The following MAN2B2 variants were observed in gnomAD, a reference collection of about 807,000 sequenced individuals.
The protein encoded by MAN2B2 is epididymis-specific alpha-mannosidase.
A neutral mutation model predicts 117.1 loss-of-function variants in MAN2B2; 106 were observed. That is an observed-to-expected ratio of 0.90 (90% confidence interval 0.77 to 1.06). The LOEUF is 1.06. Ranked by LOEUF, MAN2B2 falls within the 50% of genes least tolerant of loss-of-function variation. The pLI is 0.00. For missense variants in MAN2B2, 1,326 were observed against 1,381.4 expected (o/e 0.96, Z 0.64); for synonymous variants, 544 against 595.1 (o/e 0.91, Z 1.25).
In MAN2B2 at chr4:6,605,204, T is replaced by G. The variant is rs761786068; in HGVS notation, c.1689T>G (p.Leu563=). ...QEPAATVAST[L]QFGRRLRRRT... is the part of the protein sequence containing the mutation. ...CGGCTGCCACTGTGGCGAGCACCCT[T>G]CAATTTGGCCGCAGGCTGAGGAGAC... The change falls in exon 11 of 19, where the codon CTT becomes CTG. Residue 563 remains leucine (L), a synonymous_variant. Transcript: ENST00000285599. The G allele has an allele frequency of 6.2e-7, 1 of 1,614,056 alleles. No homozygotes were observed.
chr4:6,610,672 G>C (rs562802716), intron 13 of MAN2B2, among the ~76,000 whole-genome samples: 1 of 152,360 alleles, frequency 6.6e-6, no homozygotes, highest in South Asian at 2.1e-4. Flanking sequence ...GGCTTGGCCA[G>C]GGCCTGCACC....
chr4:6,609,030 G>A, intron 11 of MAN2B2, 77 bp from the exon 12 acceptor site: 5 of 1,409,736 alleles, frequency 3.5e-6, no homozygotes, highest in East Asian at 2.4e-5. Context: ...GGCATCTGGA[G>A]AGAGAGGCTT....
In MAN2B2 at chr4:6,611,257, G is replaced by A. The variant is rs1402885807; in HGVS notation, c.2542G>A (p.Val848Met). 1.9e-6 allele frequency: 3 copies of A among 1,608,274 alleles called. No homozygotes were observed. Among genetic ancestry groups the A allele is most frequent in the South Asian group, 2.2e-5 (2 of 90,498 alleles). The change falls in exon 15 of 19, where the codon GTG becomes ATG. Residue 848 changes from valine to methionine, a missense_variant. Physicochemically the swap from Val to Met is conservative, Grantham distance 21. Coordinates refer to ENST00000285599, the MANE Select transcript of MAN2B2 (RefSeq NM_015274.3). ...SALALQHRPV[V>M]LFGDLAGTAP... Reference sequence around the variant, plus strand: ...ACTGGCGCTGCAGCACAGGCCCGTGGTGCTGTTCGGAGACCTCGCTGGTAA... The same window carrying A: ...ACTGGCGCTGCAGCACAGGCCCGTGATGCTGTTCGGAGACCTCGCTGGTAA...
chr4:6,591,434 C>T (rs1726856366), intron 5 of MAN2B2, among the ~76,000 whole-genome samples: 1 of 152,264 alleles, frequency 6.6e-6, no homozygotes, highest in African/African-American at 2.4e-5. Flanking sequence ...GCGGACTGAA[C>T]ACGCAGGGGC....
At chr4:6,596,690 T>C (rs750341209) in intron 7 of MAN2B2, among the ~76,000 whole-genome samples, 6 of 152,162 alleles carry the variant, frequency 3.9e-5, no homozygotes, top group Non-Finnish European at 8.8e-5. Context: ...ACGTCACACA[T>C]GAAGGCCTCT....
intron 5 of MAN2B2, among the ~76,000 whole-genome samples, chr4:6,589,812 C>T (rs1726786462): frequency 6.6e-6 from 1 of 152,104 alleles, no homozygotes; most frequent in African/African-American, 2.4e-5. Flanking sequence ...GGGTGCGGTG[C>T]CTCATGCCTG....
At chr4:6,609,064 T>G (rs776608066) in intron 11 of MAN2B2, 43 bp from the exon 12 acceptor site, 3 of 1,571,106 alleles carry the variant, frequency 1.9e-6, no homozygotes, top group South Asian at 1.2e-5. Flanking sequence ...TGTAAGACCT[T>G]GTGCAGGATG....
chr4:6,595,449 C>T (rs180893046), intron 7 of MAN2B2, among the ~76,000 whole-genome samples: 62 of 152,266 alleles, frequency 4.1e-4, no homozygotes, highest in African/African-American at 1.3e-3. Flanking sequence ...GATTAGGAAA[C>T]GAAGTTTCTT....
At chr4:6,611,047 A>C (rs1197179223) in intron 14 of MAN2B2, 39 bp from the exon 15 acceptor site, 1 of 1,611,870 alleles carries the variant, frequency 6.2e-7, no homozygotes, top group East Asian at 2.2e-5. Context: ...AGGCATGCCC[A>C]GGTGCAAGCC....
chr4:6,613,700 G>C (rs1236931725), intron 15 of MAN2B2, among the ~76,000 whole-genome samples: 9 of 136,812 alleles, frequency 6.6e-5, no homozygotes, highest in Non-Finnish European at 1.3e-4. Flanking sequence ...AAGGAAGGAA[G>C]GAAGTGAGGG....
intron 10 of MAN2B2, among the ~76,000 whole-genome samples, chr4:6,603,770 C>G (rs1727424997): frequency 6.6e-6 from 1 of 151,982 alleles, no homozygotes; most frequent in East Asian, 1.9e-4. Flanking sequence ...GGGGGACAGT[C>G]ACTACAGCAA....
intron 15 of MAN2B2, among the ~76,000 whole-genome samples, chr4:6,612,834 G>A (rs1353460020): frequency 1.3e-5 from 2 of 152,232 alleles, no homozygotes; most frequent in East Asian, 3.8e-4. Context: ...AACTAGCTGA[G>A]CCCCCAGGGA....
chr4:6,583,544 C>T (rs1341330771), intron 3 of MAN2B2, among the ~76,000 whole-genome samples: 3 of 152,154 alleles, frequency 2.0e-5, no homozygotes, highest in South Asian at 2.1e-4. Context: ...CTAAGTAAAG[C>T]TGTTAGTGGT....
chr4:6,604,813 G>A lies in MAN2B2; in HGVS notation c.1540-242G>A, dbSNP rs574633831. Among the ~76,000 whole-genome samples the A allele has an allele frequency of 2.0e-3, 309 of 152,180 alleles. 3 individuals carry two copies. The highest frequency in any genetic ancestry group is 2.4e-3 in the Non-Finnish European group (163 of 67,998). On this transcript the variant is annotated intron_variant, in intron 10 of 18. Transcript: ENST00000285599. ...TTCAGGAGCTCCCAGTTCAGGAGGT[G>A]GGAGTAAGAGAAGCTTTGGGGACCC... is the stretch of plus-strand genomic sequence containing the variant.
chr4:6,584,094 G>A (rs539792361), intron 3 of MAN2B2, among the ~76,000 whole-genome samples: 1 of 152,276 alleles, frequency 6.6e-6, no homozygotes, highest in East Asian at 1.9e-4. Context: ...CCCTAGTGCT[G>A]GCTGCCAATT....
At chr4:6,607,238 C>G (rs959438126) in intron 11 of MAN2B2, among the ~76,000 whole-genome samples, 4 of 152,208 alleles carry the variant, frequency 2.6e-5, no homozygotes, top group Non-Finnish European at 5.9e-5. Flanking sequence ...GAGTCTCACT[C>G]TGTAATCTAG....
rs6857025 is a variant in MAN2B2 at position 6,597,249 on chromosome 4, G to A, written c.1194G>A (p.Leu398=). 4.7e-3 allele frequency: 7,581 copies of A among 1,601,062 alleles called. 347 individuals carry two copies. The African/African-American group carries it at 0.092, about 19-fold the overall frequency. The change falls in exon 8 of 19, where the codon CTG becomes CTA. Residue 398 remains leucine (L), a synonymous_variant. Coordinates refer to ENST00000285599, the MANE Select transcript of MAN2B2 (RefSeq NM_015274.3). ...RYLWPAPRGH[L]DPTWALQQLQ... ...TGTGGCCGGCCCCCCGTGGGCATCT[G>A]GACCCCACCTGGGCCCTGCAGCAGC...
chr4:6,598,768 C>A (rs1185549548), intron 9 of MAN2B2, among the ~76,000 whole-genome samples: 1 of 152,194 alleles, frequency 6.6e-6, no homozygotes, highest in Non-Finnish European at 1.5e-5. Context: ...AGGGATTGAA[C>A]CTGAACACGG....
intron 6 of MAN2B2, 25 bp downstream of exon 6, chr4:6,593,375 G>A (rs751795068): frequency 3.8e-6 from 6 of 1,599,532 alleles, no homozygotes; most frequent in Non-Finnish European, 5.1e-6. Context: ...CAGGTGCTGT[G>A]CCCTCAACAC....
Sources: gnomAD v4.1 joint callset for allele counts (sites outside exome capture counted in the v4.1 genomes callset) on GRCh38, gnomAD v4.1.1 for gene constraint, MANE v1.5 for transcripts, NCBI Gene and HGNC (gene_info 2026-07-23, HGNC 2026-07-21) for gene names.